ST8SIA1: variants seen among roughly 807,000 people sequenced by gnomAD.
ST8SIA1 encodes alpha-N-acetylneuraminide alpha-2,8-sialyltransferase.
A neutral mutation model predicts 35.9 loss-of-function variants in ST8SIA1; 16 were observed. That is an observed-to-expected ratio of 0.45 (90% confidence interval 0.30 to 0.68). The LOEUF is 0.68. ST8SIA1 is among the 30% of genes least tolerant of loss of function. ST8SIA1 has a pLI of 0.09. For synonymous variants in ST8SIA1, 170 were observed against 169.6 expected, an observed-to-expected ratio of 1.00 and a Z score of -0.02; for missense variants, 383 against 453.6, an observed-to-expected ratio of 0.84 and a Z score of 1.41.
At chr12:22,207,355 G>A (rs1865123426) in intron 4 of ST8SIA1, among the ~76,000 whole-genome samples, 1 of 152,202 alleles carries the variant, frequency 6.6e-6, no homozygotes, top group African/African-American at 2.4e-5. Flanking sequence ...AGTGTATAGG[G>A]TAGACAGCCG....
chr12:22,215,385 G>A (rs1865223939), intron 4 of ST8SIA1, among the ~76,000 whole-genome samples: 1 of 152,186 alleles, frequency 6.6e-6, no homozygotes, highest in Non-Finnish European at 1.5e-5. Flanking sequence ...GAGGGATGTA[G>A]CAATGAACAA....
chr12:22,244,686 A>G (rs1254369045), intron 4 of ST8SIA1, among the ~76,000 whole-genome samples: 1 of 152,096 alleles, frequency 6.6e-6, no homozygotes, highest in Admixed American at 6.6e-5. Flanking sequence ...TCAACTCCTC[A>G]GCCAGTCCAC....
chr12:22,279,324 C>T (rs1306133135), intron 2 of ST8SIA1, among the ~76,000 whole-genome samples: 1 of 152,200 alleles, frequency 6.6e-6, no homozygotes, highest in African/African-American at 2.4e-5. Flanking sequence ...TAACCCCAGG[C>T]TGCCCTTCCA....
At chr12:22,283,508 T>C (rs1478062434) in intron 2 of ST8SIA1, among the ~76,000 whole-genome samples, 2 of 152,110 alleles carry the variant, frequency 1.3e-5, no homozygotes, top group African/African-American at 2.4e-5. Context: ...GCAGCTATTC[T>C]CAAAGTGGGA....
intron 4 of ST8SIA1, among the ~76,000 whole-genome samples, chr12:22,226,760 T>G (rs1000881377): frequency 6.6e-6 from 1 of 152,206 alleles, no homozygotes; most frequent in African/African-American, 2.4e-5. Context: ...CAATTCTGCC[T>G]GCTCTCAGCC....
At position 22,299,121 on chromosome 12, in the gene ST8SIA1, T is replaced by C. The variant is rs559903933; in HGVS notation, c.237-11828A>G. On this transcript the variant is annotated intron_variant, in intron 1 of 4. Coordinates refer to ENST00000396037, the MANE Select transcript of ST8SIA1 (RefSeq NM_003034.4). Reference sequence around the variant, plus strand: ...TAAATACTTGTAGACAAACTTGTCATAATTTAGAATCTGAAGGTATATTAG... The same window carrying C: ...TAAATACTTGTAGACAAACTTGTCACAATTTAGAATCTGAAGGTATATTAG... 1.6e-4 allele frequency among the ~76,000 whole-genome samples: 25 copies of C among 152,232 alleles called. 2 individuals carry two copies. The South Asian group carries it at 5.2e-3, about 32-fold the overall frequency.
chr12:22,317,239 T>C (rs1254011684), intron 1 of ST8SIA1, among the ~76,000 whole-genome samples: 2 of 152,196 alleles, frequency 1.3e-5, no homozygotes, highest in Non-Finnish European at 2.9e-5. Flanking sequence ...CTGATAGACG[T>C]TGTGGGTGGG....
chr12:22,300,300 T>C (rs192207166), intron 1 of ST8SIA1, among the ~76,000 whole-genome samples: 110 of 152,250 alleles, frequency 7.2e-4, no homozygotes, highest in Non-Finnish European at 1.4e-3. Flanking sequence ...AAATTAAAGC[T>C]ATTCAACTCC....
At chr12:22,288,846 C>A (rs1450411769) in intron 1 of ST8SIA1, among the ~76,000 whole-genome samples, 1 of 152,164 alleles carries the variant, frequency 6.6e-6, no homozygotes, top group Non-Finnish European at 1.5e-5. Context: ...TGTTTTGCCA[C>A]CCAAAAGGTG....
chr12:22,280,124 T>C (rs1866016257), intron 2 of ST8SIA1, among the ~76,000 whole-genome samples: 1 of 152,196 alleles, frequency 6.6e-6, no homozygotes, highest in Non-Finnish European at 1.5e-5. Flanking sequence ...TAATCAAATA[T>C]GTCTATGCAT....
chr12:22,318,060 T>C (rs1421082921), intron 1 of ST8SIA1, among the ~76,000 whole-genome samples: 1 of 152,212 alleles, frequency 6.6e-6, no homozygotes, highest in African/African-American at 2.4e-5. Flanking sequence ...TCTGGAAGAA[T>C]AGACATCAAA....
At chr12:22,246,961 T>C (rs1482886275) in intron 4 of ST8SIA1, among the ~76,000 whole-genome samples, 2 of 152,230 alleles carry the variant, frequency 1.3e-5, no homozygotes, top group Non-Finnish European at 2.9e-5. Flanking sequence ...GTTTTCTTCA[T>C]AGTGAGCTTA....
intron 1 of ST8SIA1, among the ~76,000 whole-genome samples, chr12:22,295,741 CA>C (rs1866235839): frequency 6.6e-6 from 1 of 152,034 alleles, no homozygotes; most frequent in Non-Finnish European, 1.5e-5. Flanking sequence ...CAGAACCAAC[CA>C]ACAAAAAGAA....
intron 4 of ST8SIA1, among the ~76,000 whole-genome samples, chr12:22,234,150 C>T (rs1591830619): frequency 6.6e-6 from 1 of 151,578 alleles, no homozygotes; most frequent in Non-Finnish European, 1.5e-5. Flanking sequence ...ATTCCAGCTA[C>T]TCGGGAGGCT....
In ST8SIA1 at chr12:22,194,850, G is replaced by A. The variant is rs1227446712; in HGVS notation, c.*6702C>T. On this transcript the variant is annotated 3_prime_UTR_variant, in exon 5 of 5. Transcript: ENST00000396037. ...AGATGTAAATAATAATCTTATTTGG[G>A]GAATATGTACCAAAGTACAGACAAA... The A allele has an allele frequency of 1.3e-5, 2 of 151,858 alleles. No homozygotes were observed. The highest frequency in any genetic ancestry group is 2.9e-5 in the Non-Finnish European group (2 of 67,980). The allele number at this position is 151,858 out of a possible 1,614,324, so 9.4% of individuals were successfully genotyped here.
At chr12:22,260,448 G>C (rs914369172) in intron 2 of ST8SIA1, among the ~76,000 whole-genome samples, 1 of 152,106 alleles carries the variant, frequency 6.6e-6, no homozygotes, top group East Asian at 1.9e-4. Context: ...ATGAGCCACC[G>C]CGCCCAGCCT....
At chr12:22,228,722 A>G (rs1222676408) in intron 4 of ST8SIA1, among the ~76,000 whole-genome samples, 1 of 152,148 alleles carries the variant, frequency 6.6e-6, no homozygotes, top group Non-Finnish European at 1.5e-5. Context: ...TGAAGAAAGT[A>G]GGAGACAGTG....
intron 4 of ST8SIA1, among the ~76,000 whole-genome samples, chr12:22,215,944 G>A (rs888177428): frequency 6.6e-6 from 1 of 152,188 alleles, no homozygotes; most frequent in African/African-American, 2.4e-5. Context: ...CTAAGGGAAT[G>A]GTGGAACCAG....
chr12:22,231,730 C>A (rs1396679983), intron 4 of ST8SIA1, among the ~76,000 whole-genome samples: 5 of 151,892 alleles, frequency 3.3e-5, no homozygotes, highest in African/African-American at 1.2e-4. Flanking sequence ...CCCACCACCA[C>A]GCCCGGCTAA....
Sources: allele counts gnomAD v4.1 joint callset (sites outside exome capture counted in the v4.1 genomes callset), GRCh38; gene constraint gnomAD v4.1.1; transcripts MANE v1.5; gene names NCBI Gene and HGNC (gene_info 2026-07-23, HGNC 2026-07-21).